CDKL4: variants seen among roughly 807,000 people sequenced by gnomAD.
CDKL4 encodes the protein cyclin dependent kinase like 4.
Under a neutral mutation model 42.0 loss-of-function variants are expected in CDKL4, and 44 were observed. The observed-to-expected ratio is 1.05, with a 90% CI of 0.82 to 1.35. The LOEUF (loss-of-function observed/expected upper bound fraction) is 1.35, where lower values mean the gene tolerates loss of function less well. CDKL4 is among the 40% of genes most tolerant of loss of function. The probability of loss-of-function intolerance (pLI) is 0.00; values close to 1 mark genes in which losing one functional copy is unlikely to be tolerated. For synonymous variants in CDKL4, 120 were observed against 121.6 expected, an observed-to-expected ratio of 0.99 and a Z score of 0.09; for missense variants, 393 against 369.9, an observed-to-expected ratio of 1.06 and a Z score of -0.51.
downstream of CDKL4, among the ~76,000 whole-genome samples, chr2:39,172,100 G>C (rs1675015598): frequency 1.3e-5 from 2 of 152,092 alleles, 1 homozygote; most frequent in South Asian, 4.1e-4. Flanking sequence ...CACGAGGTCA[G>C]GGGTTCAAAA....
chr2:39,182,115 G>A (rs1234646599), intron 8 of CDKL4, among the ~76,000 whole-genome samples: 1 of 152,044 alleles, frequency 6.6e-6, no homozygotes, highest in East Asian at 1.9e-4. Context: ...CCAAGTAGCT[G>A]GGACTAAAGG....
chr2:39,225,989 G>A, intron 2 of CDKL4, 29 bp from the exon 3 acceptor site: 1 of 1,600,630 alleles, frequency 6.2e-7, no homozygotes, highest in Non-Finnish European at 8.5e-7. Context: ...GCAAAGTTAA[G>A]TGATCTGTTA....
At chr2:39,199,498 A>G (rs953382872) in intron 5 of CDKL4, among the ~76,000 whole-genome samples, 1 of 152,172 alleles carries the variant, frequency 6.6e-6, no homozygotes, top group Non-Finnish European at 1.5e-5. Flanking sequence ...TGAAGACAGT[A>G]TCACCCTAAT....
intron 5 of CDKL4, among the ~76,000 whole-genome samples, chr2:39,204,292 C>A (rs757353627): frequency 1.3e-5 from 2 of 152,206 alleles, no homozygotes; most frequent in African/African-American, 2.4e-5. Context: ...TTTTAGAAAT[C>A]TTTTCCTTTC....
chr2:39,241,160 G>A (rs1679640124), intron 1 of CDKL4, among the ~76,000 whole-genome samples: 1 of 152,158 alleles, frequency 6.6e-6, no homozygotes, highest in Non-Finnish European at 1.5e-5. Context: ...GATTATATAA[G>A]AAAATGTCCT....
At chr2:39,235,022 G>T (rs1210982738) in intron 1 of CDKL4, among the ~76,000 whole-genome samples, 1 of 151,892 alleles carries the variant, frequency 6.6e-6, no homozygotes. Flanking sequence ...CCAAGTAGCT[G>T]GGACCACACC....
At chr2:39,190,308 G>A (rs1676103848) in exon 6 of CDKL4, 2 of 1,613,426 alleles carry the variant, frequency 1.2e-6, no homozygotes, top group Non-Finnish European at 8.5e-7. Flanking sequence ...TTCATACCTA[G>A]TGTTCTGATT....
chr2:39,208,701 CTTTTTTT>C (rs761337117), intron 4 of CDKL4, among the ~76,000 whole-genome samples: 14 of 102,000 alleles, frequency 1.4e-4, no homozygotes, highest in Non-Finnish European at 1.8e-4. Context: ...GACGGGCAAT[CTTTTTTT>C]TTTTTTTTTT....
chr2:39,195,604 CTTCTTT>C (rs1676461983), intron 5 of CDKL4, among the ~76,000 whole-genome samples: 1 of 149,612 alleles, frequency 6.7e-6, no homozygotes, highest in African/African-American at 2.5e-5. Context: ...ATTCGTATAG[CTTCTTT>C]TTTACTTTTT....
intron 4 of CDKL4, among the ~76,000 whole-genome samples, chr2:39,207,168 T>C (rs754280485): frequency 2.0e-5 from 3 of 152,150 alleles, no homozygotes; most frequent in African/African-American, 4.8e-5. Context: ...GGCGGATCGC[T>C]TGTGCCCAGG....
chr2:39,207,161 G>A (rs1017011005), intron 4 of CDKL4, among the ~76,000 whole-genome samples: 4 of 152,140 alleles, frequency 2.6e-5, no homozygotes, highest in African/African-American at 4.8e-5. Flanking sequence ...CAAGGTGGGC[G>A]GATCGCTTGT....
chr2:39,193,509 G>T (rs1280815716), intron 5 of CDKL4, among the ~76,000 whole-genome samples: 1 of 151,902 alleles, frequency 6.6e-6, no homozygotes, highest in Non-Finnish European at 1.5e-5. Context: ...CCAAGTAGCT[G>T]GGATTACAGA....
chr2:39,204,490 T>C, intron 5 of CDKL4, 37 bp downstream of exon 5: 2 of 1,112,484 alleles, frequency 1.8e-6, no homozygotes, highest in South Asian at 1.3e-5. Flanking sequence ...TTTATCATCA[T>C]CTGAACTGGG....
At chr2:39,175,887 A>G (rs1675143743) in exon 10 of CDKL4, 1 of 382,026 alleles carries the variant, frequency 2.6e-6, no homozygotes, top group African/African-American at 2.1e-5. Flanking sequence ...TCTAGAAGGC[A>G]TCTTAATTTT....
chr2:39,177,232 G>A (rs931111583), intron 9 of CDKL4, among the ~76,000 whole-genome samples: 2 of 152,082 alleles, frequency 1.3e-5, no homozygotes, highest in Admixed American at 6.6e-5. Context: ...GTAAACCCAA[G>A]CAGAGAGCTG....
In CDKL4 at chr2:39,187,856, T is replaced by G. The variant is rs560531073; in HGVS notation, c.653-147A>C. ...GCTACGGCAGGTGGATCACTTGACG[T>G]CAAGAGTTCGAGACCAGCCTGGTCA... On this transcript the variant is annotated intron_variant, in intron 6 of 9. Transcript: ENST00000451199. 1.0e-5 allele frequency: 6 copies of G among 596,806 alleles called. No individual in the cohort carries two copies. In the Admixed American group the frequency reaches 1.5e-4, roughly 15 times the overall value. 37.0% of individuals were successfully genotyped at this position (596,806 alleles called of 1,614,324 possible). A position where few individuals can be genotyped will look rare whatever the true frequency, so the allele number is the denominator to read the frequency against.
At chr2:39,244,480 C>T (rs1380121556), upstream of CDKL4, among the ~76,000 whole-genome samples, 1 of 152,236 alleles carries the variant, frequency 6.6e-6, no homozygotes. Flanking sequence ...GCGCTGCGCT[C>T]GATTTCTCAC....
chr2:39,203,937 A>G (rs944571377), intron 5 of CDKL4, among the ~76,000 whole-genome samples: 5 of 152,206 alleles, frequency 3.3e-5, no homozygotes, highest in Admixed American at 2.6e-4. Flanking sequence ...GATTATGTCC[A>G]CACCCAGACT....
upstream of CDKL4, among the ~76,000 whole-genome samples, chr2:39,246,722 A>C (rs1679928857): frequency 6.6e-6 from 1 of 152,090 alleles, no homozygotes; most frequent in African/African-American, 2.4e-5. Context: ...TACTACACAA[A>C]GCAGAATTAG....
Sources: allele counts gnomAD v4.1 joint callset (sites outside exome capture counted in the v4.1 genomes callset), GRCh38; gene constraint gnomAD v4.1.1; transcripts MANE v1.5; gene names NCBI Gene and HGNC (gene_info 2026-07-23, HGNC 2026-07-21).